The following TPI1 variants were observed in gnomAD, a reference collection of about 807,000 sequenced individuals.
TPI1 encodes the protein triosephosphate isomerase.
In TPI1, 11 loss-of-function variants were observed where a neutral mutation model predicts 31.0. The observed-to-expected ratio is 0.36, with a 90% CI of 0.22 to 0.59. The LOEUF is 0.59. Ranked by LOEUF, TPI1 falls within the 20% of genes least tolerant of loss-of-function variation. TPI1 has a pLI of 0.79. For missense variants in TPI1, 245 were observed against 319.7 expected (o/e 0.77, Z 1.78); for synonymous variants, 121 against 122.8 (o/e 0.99, Z 0.10).
chr12:6,870,500 C>T lies in TPI1; in HGVS notation c.*117C>T. The T allele has an allele frequency of 2.4e-6, 2 of 844,846 alleles. No individual in the cohort carries two copies. The highest frequency in any genetic ancestry group is 4.2e-6 in the Non-Finnish European group (2 of 478,726). 52.3% of individuals were successfully genotyped at this position (844,846 alleles called of 1,614,324 possible). On this transcript the variant is annotated 3_prime_UTR_variant, in exon 7 of 7. Transcript: ENST00000396705. The stretch of plus-strand genomic sequence containing the variant: ...TGGTGTCATCTGCTCCTTCCTGTGG[C>T]CTCATCCAAACTGTATCTTCCTTTA...
In TPI1 at chr12:6,870,039, C is replaced by G. The variant is rs115061797; in HGVS notation, c.544-10C>G. 7,907 of 1,612,086 alleles carry G rather than the reference C, an allele frequency of 4.9e-3. 312 individuals carry two copies. In the African/African-American group the frequency reaches 0.085, roughly 17 times the overall value. Reference sequence around the variant, plus strand: ...GAAAAGGTCTTACTTAGGCCAGCTTCTTGTTCTAGGCCCAGGAAGTACACG... The same window carrying G: ...GAAAAGGTCTTACTTAGGCCAGCTTGTTGTTCTAGGCCCAGGAAGTACACG... On this transcript the variant is annotated splice_polypyrimidine_tract_variant and intron_variant, in intron 5 of 6. Transcript: ENST00000396705.
Position 6,870,787 on chromosome 12 carries a change from G to A in TPI1, c.*404G>A, listed in dbSNP as rs1555132987. The A allele has an allele frequency of 3.9e-6, 2 of 511,492 alleles. No homozygotes were observed. Among genetic ancestry groups the A allele is most frequent in the Admixed American group, 4.5e-5 (2 of 44,202 alleles). The allele number at this position is 511,492 out of a possible 1,614,324, so 31.7% of individuals were successfully genotyped here. A position where few individuals can be genotyped will look rare whatever the true frequency, so the allele number is the denominator to read the frequency against. ...CATGGTGCCCGTGCCTCTGTGCTGT[G>A]TATGTGAACCACCCATGTGAGGGAA... is the stretch of plus-strand genomic sequence containing the variant. On this transcript the variant is annotated 3_prime_UTR_variant, in exon 7 of 7. Coordinates refer to ENST00000396705, the MANE Select transcript of TPI1 (RefSeq NM_000365.6).
rs1804544 is a variant in TPI1, at chr12:6,870,724, C to T, written c.*341C>T. ...TCCTCTCCCTTCTTACACCGTGAGG[C>T]CAAGATCCCCTCAGAAGGCAGGAGT... On this transcript the variant is annotated 3_prime_UTR_variant, in exon 7 of 7. Transcript: ENST00000396705. 5,419 of 555,144 alleles carry T rather than the reference C, an allele frequency of 9.8e-3. 578 individuals are homozygous for T. The East Asian group carries it at 0.22, about 22-fold the overall frequency. 34.4% of individuals were successfully genotyped at this position (555,144 alleles called of 1,614,324 possible).
intron 1 of TPI1, chr12:6,868,641 G>A: frequency 7.4e-7 from 1 of 1,348,542 alleles, no homozygotes; most frequent in Non-Finnish European, 9.9e-7. Flanking sequence ...GGCAGGGTGA[G>A]GGCCGTGGCC....
chr12:6,868,210 C>G, intron 1 of TPI1: 1 of 1,287,956 alleles, frequency 7.8e-7, no homozygotes, highest in African/African-American at 1.5e-5. Flanking sequence ...TCCCGCCTTC[C>G]ACGGAAGGGA....
At chr12:6,867,491 C>G, upstream of TPI1, 6 of 1,549,442 alleles carry the variant, frequency 3.9e-6, no homozygotes, top group Non-Finnish European at 5.2e-6. Context: ...AGTTCCACTT[C>G]GCGGCGCTCT....
At chr12:6,867,528 C>A, upstream of TPI1, 1 of 1,601,430 alleles carries the variant, frequency 6.2e-7, no homozygotes. Context: ...GCCGCGACTG[C>A]GCGCAGACAC....
rs782254346 is a variant in TPI1, at chr12:6,868,148, C to G, written c.115+467C>G. ...GTCCGCGTCCCCGCGCCGAGCTGCT[C>G]GGGCTCCCTGAGCCCCAGATCTGAC... On this transcript the variant is annotated intron_variant, in intron 1 of 6. Transcript: ENST00000396705. 3.5e-6 allele frequency: 4 copies of G among 1,134,428 alleles called. No individual in the cohort carries two copies. In the South Asian group the frequency reaches 5.3e-5, roughly 15 times the overall value. The allele number at this position is 1,134,428 out of a possible 1,614,324, so 70.3% of individuals were successfully genotyped here. A position where few individuals can be genotyped will look rare whatever the true frequency, so the allele number is the denominator to read the frequency against.
Position 6,870,581 on chromosome 12 carries a change from A to C in TPI1, c.*198A>C, listed in dbSNP as rs987774594. On this transcript the variant is annotated 3_prime_UTR_variant, in exon 7 of 7. Coordinates refer to ENST00000396705, the MANE Select transcript of TPI1 (RefSeq NM_000365.6). ...GACCAGGCCAATCCCTTCTCCACTT[A>C]CTATAATGGTTGGAACTAAACGTCA... 2 of 748,606 alleles carry C rather than the reference A, an allele frequency of 2.7e-6. No homozygotes were observed. The highest frequency in any genetic ancestry group is 4.9e-6 in the Non-Finnish European group (2 of 404,220). The allele number at this position is 748,606 out of a possible 1,614,324, so 46.4% of individuals were successfully genotyped here.
intron 1 of TPI1, 69 bp downstream of exon 1, chr12:6,867,750 C>T (rs1944489627): frequency 8.3e-6 from 12 of 1,446,432 alleles, no homozygotes; most frequent in Non-Finnish European, 1.1e-5. Flanking sequence ...GCAGCGCCCT[C>T]TCCCGAGGCC....
rs782190000 is a variant in TPI1 at position 6,870,014 on chromosome 12, GA to G, written c.544-31del. 2.8e-5 allele frequency: 45 copies of G among 1,611,734 alleles called. 1 individual carries two copies. The highest frequency in any genetic ancestry group is 1.6e-4 in the Middle Eastern group (1 of 6,076). ...AGTGATTTTTCCTCTTAGAGAGGCAGAAAAGGTCTTACTTAGGCCAGCTTCT... is the reference window on the plus strand; with the variant it reads ...AGTGATTTTTCCTCTTAGAGAGGCAGAAAGGTCTTACTTAGGCCAGCTTCT... On this transcript the variant is annotated intron_variant, in intron 5 of 6. Coordinates refer to ENST00000396705, the MANE Select transcript of TPI1 (RefSeq NM_000365.6).
chr12:6,870,185 C>G (rs782768995), intron 6 of TPI1, 49 bp downstream of exon 6: 2 of 1,599,918 alleles, frequency 1.3e-6, no homozygotes, highest in South Asian at 2.2e-5. Context: ...GAGGACTAGA[C>G]TGAGCCCTCG....
In TPI1 at chr12:6,867,539, T is replaced by C. The variant is rs1944482732; in HGVS notation, c.-28T>C. 6.2e-7 allele frequency: 1 copy of C among 1,608,726 alleles called. No individual in the cohort carries two copies. The highest frequency in any genetic ancestry group is 8.5e-7 in the Non-Finnish European group (1 of 1,178,126). The stretch of plus-strand genomic sequence containing the variant: ...AGTGGCCGCGACTGCGCGCAGACAC[T>C]GACCTTCAGCGCCTCGGCTCCAGCG... On this transcript the variant is annotated 5_prime_UTR_variant, in exon 1 of 7. Coordinates refer to ENST00000396705, the MANE Select transcript of TPI1 (RefSeq NM_000365.6).
Position 6,870,169 on chromosome 12 carries a change from T to A in TPI1, c.631+33T>A, listed in dbSNP as rs782011090. On this transcript the variant is annotated intron_variant, in intron 6 of 6. Coordinates refer to ENST00000396705, the MANE Select transcript of TPI1 (RefSeq NM_000365.6). ...GCTTTGGTTCCCGGCTGAGGTGGAGTGGGCTGAGGACTAGACTGAGCCCTC... is the reference window on the plus strand; with the variant it reads ...GCTTTGGTTCCCGGCTGAGGTGGAGAGGGCTGAGGACTAGACTGAGCCCTC... 4 of 1,606,724 alleles carry A rather than the reference T, an allele frequency of 2.5e-6. No individual in the cohort carries two copies. The South Asian group carries it at 4.4e-5, about 18-fold the overall frequency.
chr12:6,870,006 G>A, intron 5 of TPI1, 43 bp from the exon 6 acceptor site: 4 of 1,605,516 alleles, frequency 2.5e-6, no homozygotes, highest in Non-Finnish European at 3.4e-6. Context: ...TTTCCTCTTA[G>A]AGAGGCAGAA....
At chr12:6,868,824 T>G (rs368392340) in intron 1 of TPI1, 40 bp from the exon 2 acceptor site, 12 of 1,597,900 alleles carry the variant, frequency 7.5e-6, no homozygotes, top group Non-Finnish European at 1.0e-5. Context: ...ATGAAGGCTT[T>G]CTTTAGTCTC....
chr12:6,869,939 C>A (rs782609386), intron 5 of TPI1, 110 bp from the exon 6 acceptor site: 78 of 1,416,440 alleles, frequency 5.5e-5, no homozygotes, highest in Non-Finnish European at 7.7e-5. Flanking sequence ...TGGATCAGAG[C>A]CCTGGTACTC....
At chr12:6,867,472 A>G (rs2138087132), upstream of TPI1, 1 of 1,528,592 alleles carries the variant, frequency 6.5e-7, no homozygotes, top group East Asian at 2.5e-5. Context: ...GAGGACGGCG[A>G]GGAGGCGGAG....
In TPI1 at chr12:6,868,970, T is replaced by C; in HGVS notation, c.222T>C (p.Ala74=). 6.2e-7 allele frequency: 1 copy of C among 1,614,146 alleles called. No homozygotes were observed. The highest frequency in any genetic ancestry group is 8.5e-7 in the Non-Finnish European group (1 of 1,180,014). ...AQNCYKVTNG[A]FTGEISPGMI... ...ACTGCTACAAAGTGACTAATGGGGC[T>C]TTTACTGGGGAGATCAGGTGAGATC... is the stretch of plus-strand genomic sequence containing the variant. The change falls in exon 2 of 7, where the codon GCT becomes GCC. Residue 74 remains alanine (A), a synonymous_variant. Transcript: ENST00000396705.
Sources: gnomAD v4.1 joint callset for allele counts on GRCh38, gnomAD v4.1.1 for gene constraint, MANE v1.5 for transcripts, NCBI Gene and HGNC (gene_info 2026-07-23, HGNC 2026-07-21) for gene names.